The following CNTNAP2 variants were observed in gnomAD, a reference collection of about 807,000 sequenced individuals.
CNTNAP2 encodes the protein contactin-associated protein-like 2.
Under a neutral mutation model 155.2 loss-of-function variants are expected in CNTNAP2, and 98 were observed. The ratio of observed to expected loss-of-function variants is 0.63; its 90% CI spans 0.54 to 0.75. The LOEUF is 0.75. Among genes scored for constraint, CNTNAP2 ranks in the 30% least tolerant of loss-of-function variants. The probability of loss-of-function intolerance (pLI) is 0.00; values close to 1 mark genes in which losing one functional copy is unlikely to be tolerated. For synonymous variants in CNTNAP2, 651 were observed against 631.2 expected (o/e 1.03, Z -0.47); for missense variants, 1,727 against 1,688.1 (o/e 1.02, Z -0.40).
intron 18 of CNTNAP2, among the ~76,000 whole-genome samples, chr7:148,175,932 C>CCTGTCT (rs1261502890): frequency 6.6e-6 from 1 of 152,182 alleles, no homozygotes; most frequent in East Asian, 1.9e-4. Flanking sequence ...TACATCAATC[C>CCTGTCT]CTGTCTCTGT....
At chr7:146,929,587 G>A (rs1298056410) in intron 3 of CNTNAP2, among the ~76,000 whole-genome samples, 2 of 152,190 alleles carry the variant, frequency 1.3e-5, no homozygotes, top group South Asian at 2.1e-4. Context: ...AAGCTGGACG[G>A]AGAATGACTT....
chr7:148,337,582 A>C (rs768064123), intron 21 of CNTNAP2, among the ~76,000 whole-genome samples: 2 of 152,070 alleles, frequency 1.3e-5, no homozygotes, highest in African/African-American at 2.4e-5. Flanking sequence ...CCAAGATCCA[A>C]CCCTTCTCAT....
chr7:147,356,433 G>T (rs1387200549), intron 9 of CNTNAP2, among the ~76,000 whole-genome samples: 4 of 152,054 alleles, frequency 2.6e-5, no homozygotes, highest in African/African-American at 9.7e-5. Context: ...TTCTGGCCAG[G>T]GCAATCAGGC....
intron 12 of CNTNAP2, among the ~76,000 whole-genome samples, chr7:147,595,361 A>G (rs1415956398): frequency 6.6e-6 from 1 of 152,168 alleles, no homozygotes; most frequent in Non-Finnish European, 1.5e-5. Flanking sequence ...ATGCAATTGT[A>G]TTGTGATGCC....
chr7:146,204,895 A>G (rs1359378397), intron 1 of CNTNAP2, among the ~76,000 whole-genome samples: 1 of 152,010 alleles, frequency 6.6e-6, no homozygotes, highest in East Asian at 1.9e-4. Context: ...GAAGCCAGAC[A>G]TGGGAACATT....
chr7:147,553,800 G>C (rs1387354097), intron 11 of CNTNAP2, among the ~76,000 whole-genome samples: 1 of 152,022 alleles, frequency 6.6e-6, no homozygotes, highest in African/African-American at 2.4e-5. Flanking sequence ...GTGAAACCCT[G>C]TCTCTACTAA....
At chr7:147,167,346 C>T (rs996268505) in intron 8 of CNTNAP2, 21 of 672,984 alleles carry the variant, frequency 3.1e-5, no homozygotes, top group African/African-American at 3.7e-5. Context: ...CTGTTTCTGC[C>T]GAAAGAAGAA....
chr7:146,856,877 C>T (rs570401258), intron 3 of CNTNAP2, among the ~76,000 whole-genome samples: 1 of 152,162 alleles, frequency 6.6e-6, no homozygotes, highest in Non-Finnish European at 1.5e-5. Context: ...ATAAGAGACA[C>T]TAAAAGGCTA....
intron 15 of CNTNAP2, among the ~76,000 whole-genome samples, chr7:148,038,894 A>C (rs756373274): frequency 6.6e-5 from 10 of 152,162 alleles, no homozygotes; most frequent in Non-Finnish European, 1.2e-4. Flanking sequence ...GGAATTTATT[A>C]GGGGAATTGG....
intron 1 of CNTNAP2, among the ~76,000 whole-genome samples, chr7:146,661,662 A>G (rs1563177494): frequency 6.6e-6 from 1 of 151,426 alleles, no homozygotes. Context: ...TATGTGCCAG[A>G]GTTGTTTGCT....
intron 13 of CNTNAP2, among the ~76,000 whole-genome samples, chr7:147,746,808 G>A (rs17508203): frequency 0.19 from 29,234 of 152,040 alleles, 3,225 homozygotes; most frequent in Middle Eastern, 0.38. Flanking sequence ...CATGAAATGT[G>A]CACAGTTTTA....
chr7:147,637,236 G>A (rs1280923311), intron 12 of CNTNAP2, among the ~76,000 whole-genome samples: 1 of 151,888 alleles, frequency 6.6e-6, no homozygotes, highest in African/African-American at 2.4e-5. Context: ...GTAGATGTGA[G>A]GAGGCAAGGG....
chr7:146,822,333 A>AG (rs897394970), intron 2 of CNTNAP2, among the ~76,000 whole-genome samples: 1 of 151,928 alleles, frequency 6.6e-6, no homozygotes, highest in African/African-American at 2.4e-5. Context: ...GCGTGGGGGC[A>AG]GGGGGGAGTG....
chr7:146,857,873 CAT>C (rs1470423572), intron 3 of CNTNAP2, among the ~76,000 whole-genome samples: 1 of 152,126 alleles, frequency 6.6e-6, no homozygotes, highest in Non-Finnish European at 1.5e-5. Flanking sequence ...ACTGTGGAAT[CAT>C]ATTTGTTTCA....
chr7:146,258,621 A>G (rs1799875318), intron 1 of CNTNAP2, among the ~76,000 whole-genome samples: 1 of 152,176 alleles, frequency 6.6e-6, no homozygotes, highest in South Asian at 2.1e-4. Flanking sequence ...ACTTGTTACC[A>G]TATATTAAGG....
chr7:147,639,985 A>ATTTT (rs1795246687), intron 13 of CNTNAP2, among the ~76,000 whole-genome samples: 1 of 152,168 alleles, frequency 6.6e-6, no homozygotes. Flanking sequence ...GTTGTCAGAA[A>ATTTT]ACTGCATCTC....
chr7:146,957,953 T>C (rs1226347281), intron 3 of CNTNAP2, among the ~76,000 whole-genome samples: 1 of 152,136 alleles, frequency 6.6e-6, no homozygotes, highest in African/African-American at 2.4e-5. Flanking sequence ...AATGAAACTA[T>C]CAAGAATGAT....
chr7:148,047,167 C>T (rs745625421), intron 15 of CNTNAP2, among the ~76,000 whole-genome samples: 9 of 152,072 alleles, frequency 5.9e-5, no homozygotes, highest in African/African-American at 1.4e-4. Flanking sequence ...TAATTATGGT[C>T]GACGCTCATT....
chr7:148,317,830 A>G (rs1797716934), intron 21 of CNTNAP2, among the ~76,000 whole-genome samples: 1 of 152,034 alleles, frequency 6.6e-6, no homozygotes, highest in South Asian at 2.1e-4. Flanking sequence ...CCTCCTGAGT[A>G]GCTGGAACTA....
Sources: gnomAD v4.1 joint callset for allele counts (sites outside exome capture counted in the v4.1 genomes callset) on GRCh38, gnomAD v4.1.1 for gene constraint, MANE v1.5 for transcripts, NCBI Gene and HGNC (gene_info 2026-07-23, HGNC 2026-07-21) for gene names.